ARFGEF1: variants seen among roughly 807,000 people sequenced by gnomAD.
ARFGEF1 encodes ARF guanine nucleotide exchange factor 1.
ARFGEF1 carries 42 observed loss-of-function variants against 231.0 expected under a neutral mutation model. The ratio of observed to expected loss-of-function variants is 0.18; its 90% CI spans 0.14 to 0.24. ARFGEF1 has a LOEUF of 0.24. Ranked by LOEUF, ARFGEF1 falls within the 10% of genes least tolerant of loss-of-function variation. The probability of loss-of-function intolerance (pLI) is 1.00; values close to 1 mark genes in which losing one functional copy is unlikely to be tolerated. For missense variants in ARFGEF1, 1,345 were observed against 2,192.0 expected (o/e 0.61, Z 7.72); for synonymous variants, 710 against 732.3 (o/e 0.97, Z 0.49).
intron 10 of ARFGEF1, among the ~76,000 whole-genome samples, chr8:67,270,417 C>T (rs976222596): frequency 9.9e-5 from 15 of 151,912 alleles, no homozygotes; most frequent in African/African-American, 3.4e-4. Context: ...TTAGCCATTT[C>T]GAAATTCTGG....
chr8:67,320,247 AAAAG>A lies in ARFGEF1; in HGVS notation c.125-17785_125-17782del, dbSNP rs1170173845. ...TCAAAAAAAAAAAAAAAAAAAAAAA[AAAAG>A]TGCTCAACATAATTAGCCATTAAGA... On this transcript the variant is annotated intron_variant, in intron 1 of 38. Coordinates refer to ENST00000262215, the MANE Select transcript of ARFGEF1 (RefSeq NM_006421.5). Among the ~76,000 whole-genome samples the A allele has an allele frequency of 5.4e-4, 81 of 149,448 alleles. 1 individual carries two copies. The highest frequency in any genetic ancestry group is 1.4e-3 in the African/African-American group (57 of 40,056).
chr8:67,308,112 C>T (rs1162552071), intron 1 of ARFGEF1, among the ~76,000 whole-genome samples: 2 of 152,206 alleles, frequency 1.3e-5, no homozygotes, highest in Admixed American at 1.3e-4. Flanking sequence ...GTAAAGATGG[C>T]TCCAGAGGAT....
intron 7 of ARFGEF1, among the ~76,000 whole-genome samples, chr8:67,284,798 C>A (rs1363273407): frequency 6.6e-6 from 1 of 152,182 alleles, no homozygotes; most frequent in Non-Finnish European, 1.5e-5. Context: ...GCAACAAGAG[C>A]ATCTTGTAAC....
At chr8:67,244,277 T>G in intron 19 of ARFGEF1, among the ~76,000 whole-genome samples, 2 of 54 alleles carry the variant, frequency 0.037, 1 homozygote, top group Non-Finnish European at 0.045. Context: ...AACATTCGAC[T>G]ACTGAGTCTC....
chr8:67,285,791 A>C (rs572529016), intron 7 of ARFGEF1, among the ~76,000 whole-genome samples: 1 of 152,328 alleles, frequency 6.6e-6, no homozygotes, highest in South Asian at 2.1e-4. Flanking sequence ...GTAGATGACA[A>C]TCTCAATCTA....
chr8:67,290,077 T>C (rs1225575717), intron 6 of ARFGEF1, among the ~76,000 whole-genome samples: 3 of 152,196 alleles, frequency 2.0e-5, no homozygotes, highest in Non-Finnish European at 4.4e-5. Flanking sequence ...GTGACAGAGG[T>C]GTGCTCCAAA....
At chr8:67,195,285 T>C (rs1326220263), downstream of ARFGEF1, 1 of 796,624 alleles carries the variant, frequency 1.3e-6, no homozygotes, top group Non-Finnish European at 2.3e-6. Context: ...TGTGGGGAAA[T>C]GCTGAGTTGT....
intron 12 of ARFGEF1, 50 bp downstream of exon 12, chr8:67,267,041 G>C (rs753992180): frequency 6.2e-7 from 1 of 1,608,650 alleles, no homozygotes; most frequent in Admixed American, 1.7e-5. Context: ...GAAAACACAT[G>C]ACTCTTTCCT....
intron 9 of ARFGEF1, among the ~76,000 whole-genome samples, chr8:67,272,769 G>C (rs576140550): frequency 6.6e-6 from 1 of 151,728 alleles, no homozygotes; most frequent in Non-Finnish European, 1.5e-5. Flanking sequence ...ACCATTTAAA[G>C]ATTTTTTTTT....
At chr8:67,300,660 CAAAAAA>C (rs200434355) in intron 3 of ARFGEF1, among the ~76,000 whole-genome samples, 21 of 88,666 alleles carry the variant, frequency 2.4e-4, no homozygotes, top group African/African-American at 7.0e-4. Flanking sequence ...CTTGTCTCTT[CAAAAAA>C]AAAAAAAAAA....
At position 67,343,733 on chromosome 8, in the gene ARFGEF1, T is replaced by G. The variant is rs2128942181; in HGVS notation, c.-446A>C. 6.6e-6 allele frequency: 3 copies of G among 453,764 alleles called. No individual in the cohort carries two copies. Among genetic ancestry groups the G allele is most frequent in the African/African-American group, 2.1e-5 (1 of 47,016 alleles). 28.1% of individuals were successfully genotyped at this position (453,764 alleles called of 1,614,324 possible). A position where few individuals can be genotyped will look rare whatever the true frequency, so the allele number is the denominator to read the frequency against. On this transcript the variant is annotated 5_prime_UTR_variant, in exon 1 of 39. Transcript: ENST00000262215. ...ATTAGCACCCGCCGCGGCCGCGAACTGGCCCCCATCACCGCCGACCTGCCC... is the reference window on the plus strand; with the variant it reads ...ATTAGCACCCGCCGCGGCCGCGAACGGGCCCCCATCACCGCCGACCTGCCC...
intron 33 of ARFGEF1, among the ~76,000 whole-genome samples, chr8:67,212,917 A>T (rs771699379): frequency 5.3e-5 from 8 of 152,196 alleles, no homozygotes; most frequent in Admixed American, 1.3e-4. Context: ...CTAAACCTAC[A>T]CAAAAACTAG....
chr8:67,189,350 C>T (rs1013487185), intron 5 of ARFGEF1, among the ~76,000 whole-genome samples: 1 of 152,268 alleles, frequency 6.6e-6, no homozygotes, highest in South Asian at 2.1e-4. Flanking sequence ...ATTGCTAAAA[C>T]TTGGAAGCAG....
intron 1 of ARFGEF1, among the ~76,000 whole-genome samples, chr8:67,337,144 A>C (rs1225829307): frequency 2.0e-5 from 3 of 151,732 alleles, no homozygotes; most frequent in Non-Finnish European, 2.9e-5. Flanking sequence ...AAAAAAAAAA[A>C]AAAAAAACAG....
rs1263219311 is a variant in ARFGEF1, at chr8:67,227,950, G to C, written c.3591+13C>G. 6.5e-7 allele frequency: 1 copy of C among 1,538,928 alleles called. No individual in the cohort carries two copies. The highest frequency in any genetic ancestry group is 8.7e-7 in the Non-Finnish European group (1 of 1,152,034). On this transcript the variant is annotated intron_variant, in intron 25 of 38. Transcript: ENST00000262215. ...ACTACAAATGTAAACAAACACCATA[G>C]TTATTCAAATACCTTATTAAAATGA...
chr8:67,266,649 T>G (rs546979860), intron 13 of ARFGEF1, among the ~76,000 whole-genome samples: 1 of 152,236 alleles, frequency 6.6e-6, no homozygotes, highest in South Asian at 2.1e-4. Flanking sequence ...TATGCTTCAT[T>G]TTACATAATC....
chr8:67,330,135 G>A (rs755796248), intron 1 of ARFGEF1, among the ~76,000 whole-genome samples: 7 of 152,056 alleles, frequency 4.6e-5, no homozygotes, highest in Non-Finnish European at 8.8e-5. Flanking sequence ...TGACAATTTT[G>A]AGAACCTAAC....
downstream of ARFGEF1, among the ~76,000 whole-genome samples, chr8:67,196,941 G>C (rs1207622808): frequency 6.6e-6 from 1 of 151,976 alleles, no homozygotes; most frequent in Non-Finnish European, 1.5e-5. Context: ...TAAGAGAGGT[G>C]TGAAAGCAAA....
At chr8:67,194,236 T>C (rs1476146065), downstream of ARFGEF1, among the ~76,000 whole-genome samples, 2 of 152,230 alleles carry the variant, frequency 1.3e-5, no homozygotes, top group Non-Finnish European at 2.9e-5. Context: ...ATATTGGTAA[T>C]AATAATAGTT....
Sources: allele counts gnomAD v4.1 joint callset (sites outside exome capture counted in the v4.1 genomes callset), GRCh38; gene constraint gnomAD v4.1.1; transcripts MANE v1.5; gene names NCBI Gene and HGNC (gene_info 2026-07-23, HGNC 2026-07-21).